The following PHF24 variants were observed in gnomAD, a reference collection of about 807,000 sequenced individuals.
PHF24 encodes the protein PHD finger protein 24.
A neutral mutation model predicts 42.6 loss-of-function variants in PHF24; 25 were observed. That is an observed-to-expected ratio of 0.59 (90% CI 0.43 to 0.82). PHF24 has a LOEUF of 0.82. Ranked by LOEUF, PHF24 falls within the 40% of genes least tolerant of loss-of-function variation. The pLI, the probability that PHF24 is intolerant of heterozygous loss-of-function variation, is 0.00. For synonymous variants in PHF24, 185 were observed against 204.8 expected, an observed-to-expected ratio of 0.90 and a Z score of 0.83; for missense variants, 470 against 538.1, an observed-to-expected ratio of 0.87 and a Z score of 1.25.
chr9:34,842,375 T>C, the PHF24 span, among the ~76,000 whole-genome samples: 1 of 152,186 alleles, frequency 6.6e-6, no homozygotes, highest in Non-Finnish European at 1.5e-5. Context: ...CTGAATCATA[T>C]GATAGTTGTA....
the PHF24 span, among the ~76,000 whole-genome samples, chr9:34,841,912 G>A: frequency 6.6e-6 from 1 of 152,214 alleles, no homozygotes. Flanking sequence ...GTATATACTT[G>A]TGAAACCATT....
chr9:34,710,566 C>T, the PHF24 span, among the ~76,000 whole-genome samples: 5 of 150,424 alleles, frequency 3.3e-5, no homozygotes, highest in East Asian at 2.0e-4. Flanking sequence ...CTCCTGGGCT[C>T]GAGTGATCCT....
At chr9:34,673,434 A>G in the PHF24 span, among the ~76,000 whole-genome samples, 1 of 151,712 alleles carries the variant, frequency 6.6e-6, no homozygotes, top group Admixed American at 6.6e-5. Context: ...AGGGTTGCAG[A>G]TAATCTTCTC....
the PHF24 span, among the ~76,000 whole-genome samples, chr9:34,758,562 G>A: frequency 2.5e-4 from 38 of 152,292 alleles, no homozygotes; most frequent in Admixed American, 1.4e-3. The surrounding 1 kb of genome is among the most constrained non-coding windows in gnomAD (Gnocchi z 4.4). Flanking sequence ...AGCAACCCTT[G>A]TGGGCTTGAC....
At chr9:34,709,296 A>G in the PHF24 span, 1 of 1,432,684 alleles carries the variant, frequency 7.0e-7, no homozygotes, top group Non-Finnish European at 9.6e-7. Flanking sequence ...TGGCTGCTCC[A>G]GGGCCCCTGA....
the PHF24 span, among the ~76,000 whole-genome samples, chr9:34,879,085 C>T: frequency 6.6e-6 from 1 of 152,174 alleles, no homozygotes; most frequent in African/African-American, 2.4e-5. Context: ...TGGTGATACC[C>T]AGGCAAACAG....
the PHF24 span, among the ~76,000 whole-genome samples, chr9:34,746,500 A>C: frequency 1.2e-4 from 19 of 152,264 alleles, no homozygotes; most frequent in East Asian, 3.7e-3. Flanking sequence ...AAGCAAGTGC[A>C]AGATTGAAAG....
the PHF24 span, chr9:34,837,472 T>C: frequency 1.8e-5 from 10 of 564,756 alleles, 1 homozygote; most frequent in South Asian, 1.9e-4. Flanking sequence ...CCCATGGGAA[T>C]AATGTAGAGA....
At chr9:34,747,662 G>T in the PHF24 span, among the ~76,000 whole-genome samples, 1 of 152,130 alleles carries the variant, frequency 6.6e-6, no homozygotes, top group African/African-American at 2.4e-5. Flanking sequence ...AGATGATGAG[G>T]ATCTGGAGCA....
chr9:34,674,984 G>A, the PHF24 span, among the ~76,000 whole-genome samples: 2 of 152,070 alleles, frequency 1.3e-5, no homozygotes, highest in Non-Finnish European at 2.9e-5. Flanking sequence ...TACCTCCCAA[G>A]TAGCTGGGAC....
At chr9:34,733,247 G>A in the PHF24 span, among the ~76,000 whole-genome samples, 1 of 152,126 alleles carries the variant, frequency 6.6e-6, no homozygotes, top group African/African-American at 2.4e-5. Context: ...ATTTATAAAT[G>A]TGTTTCAATG....
At chr9:34,873,862 G>C in the PHF24 span, among the ~76,000 whole-genome samples, 2 of 151,992 alleles carry the variant, frequency 1.3e-5, no homozygotes, top group African/African-American at 4.8e-5. Flanking sequence ...CCATTTGTTT[G>C]TATCCTCTTT....
chr9:34,956,254 C>T (rs1486518230), upstream of PHF24, among the ~76,000 whole-genome samples: 1 of 152,180 alleles, frequency 6.6e-6, no homozygotes, highest in African/African-American at 2.4e-5. Flanking sequence ...TGTACAGATA[C>T]ACAATGTACT....
chr9:34,842,201 A>G, the PHF24 span, among the ~76,000 whole-genome samples: 2 of 152,180 alleles, frequency 1.3e-5, no homozygotes, highest in African/African-American at 4.8e-5. Flanking sequence ...ATTCCATTGT[A>G]TGCATATATA....
At chr9:34,723,726 G>GGAA in the PHF24 span, 2 of 1,551,600 alleles carry the variant, frequency 1.3e-6, no homozygotes, top group African/African-American at 2.7e-5. Flanking sequence ...GGTTGGCTCA[G>GGAA]GAAAGGCTGA....
At chr9:34,842,301 G>GT in the PHF24 span, among the ~76,000 whole-genome samples, 1 of 152,148 alleles carries the variant, frequency 6.6e-6, no homozygotes, top group Non-Finnish European at 1.5e-5. Context: ...GAACATTCAT[G>GT]TACCAGTCTT....
the PHF24 span, chr9:34,726,909 C>T: frequency 6.4e-7 from 1 of 1,551,728 alleles, no homozygotes. Flanking sequence ...ATCTCCAGAG[C>T]CACAGAATTG....
At chr9:34,813,064 A>C in the PHF24 span, among the ~76,000 whole-genome samples, 1 of 152,226 alleles carries the variant, frequency 6.6e-6, no homozygotes. Flanking sequence ...GTTAACATGC[A>C]GGATGAGGTG....
At chr9:34,893,865 G>A in the PHF24 span, among the ~76,000 whole-genome samples, 13 of 152,186 alleles carry the variant, frequency 8.5e-5, no homozygotes, top group African/African-American at 2.9e-4. Context: ...CCCAAAGCCC[G>A]GTATTTGGGC....
Sources: gnomAD v4.1 joint callset for allele counts (sites outside exome capture counted in the v4.1 genomes callset) on GRCh38, gnomAD v4.1.1 for gene constraint, Gnocchi (gnomAD v3.1) non-coding constraint, MANE v1.5 for transcripts, NCBI Gene and HGNC (gene_info 2026-07-23, HGNC 2026-07-21) for gene names.